The following ITGAM variants were observed in gnomAD, a reference collection of about 807,000 sequenced individuals.
ITGAM encodes the protein integrin subunit alpha M.
Under a neutral mutation model 137.5 loss-of-function variants are expected in ITGAM, and 79 were observed. That is an observed-to-expected ratio of 0.57 (90% CI 0.48 to 0.69). The LOEUF is 0.69. Among genes scored for constraint, ITGAM ranks in the 30% least tolerant of loss-of-function variants. The pLI, the probability that ITGAM is intolerant of heterozygous loss-of-function variation, is 0.00. For missense variants in ITGAM, 1,343 were observed against 1,483.5 expected, an observed-to-expected ratio of 0.91 and a Z score of 1.56; for synonymous variants, 583 against 592.3, an observed-to-expected ratio of 0.98 and a Z score of 0.23.
Position 31,329,825 on chromosome 16 carries a change from C to T in ITGAM, c.2896C>T (p.Pro966Ser). ...CAGCAACCTGGGGCAGAGGAGCCTC[C>T]CCATCAGCCTGGTGTTCTTGGTGCC... ...QVSNLGQRSL[P>S]ISLVFLVPVR... Residue 966 changes from proline (P) to serine (S), a missense_variant, in exon 25 of 30, where the codon CCC becomes TCC. Physicochemically the swap from Pro to Ser is moderately conservative, Grantham distance 74. Coordinates refer to ENST00000544665, the MANE Select transcript of ITGAM (RefSeq NM_000632.4). The T allele has an allele frequency of 1.3e-6, 2 of 1,559,724 alleles. No homozygotes were observed. The highest frequency in any genetic ancestry group is 1.7e-6 in the Non-Finnish European group (2 of 1,151,704).
At chr16:31,302,932 CT>C (rs1387260918) in intron 14 of ITGAM, among the ~76,000 whole-genome samples, 2 of 52,786 alleles carry the variant, frequency 3.8e-5, no homozygotes, top group Non-Finnish European at 8.1e-5. Flanking sequence ...TTCTTTCTTT[CT>C]TTCTTTCTTT....
intron 14 of ITGAM, among the ~76,000 whole-genome samples, chr16:31,308,116 T>G (rs2080284309): frequency 6.6e-6 from 1 of 152,156 alleles, no homozygotes; most frequent in Non-Finnish European, 1.5e-5. Context: ...TCTCTTTTTT[T>G]GTTGTGTGTC....
At chr16:31,329,634 G>T (rs2080554168) in intron 24 of ITGAM, among the ~76,000 whole-genome samples, 164 bp from the exon 25 acceptor site, 1 of 152,134 alleles carries the variant, frequency 6.6e-6, no homozygotes, top group South Asian at 2.1e-4. Flanking sequence ...CTGGAGACCA[G>T]GCCGTGTGGC....
intron 14 of ITGAM, among the ~76,000 whole-genome samples, chr16:31,309,615 G>C (rs2080301911): frequency 6.6e-6 from 1 of 152,100 alleles, no homozygotes; most frequent in African/African-American, 2.4e-5. Context: ...CAATTTGCCA[G>C]TCTGTGCCTT....
intron 5 of ITGAM, among the ~76,000 whole-genome samples, chr16:31,266,418 A>T (rs1339584475): frequency 3.4e-4 from 4 of 11,814 alleles, no homozygotes; most frequent in Non-Finnish European, 6.0e-4. Context: ...TCCTGTCTCT[A>T]AAAAAAAAAA....
At chr16:31,276,340 A>G (rs773334473) in intron 9 of ITGAM, among the ~76,000 whole-genome samples, 97 of 149,520 alleles carry the variant, frequency 6.5e-4, no homozygotes, top group Non-Finnish European at 8.8e-4. Context: ...TTTTCTTTCT[A>G]TTTTTTTTTG....
intron 12 of ITGAM, among the ~76,000 whole-genome samples, chr16:31,292,581 CA>C (rs1447195709): frequency 6.6e-6 from 1 of 152,106 alleles, no homozygotes; most frequent in African/African-American, 2.4e-5. Context: ...CATGTTCCCA[CA>C]AAAGACATGA....
At chr16:31,270,711 A>G (rs1402796945) in intron 5 of ITGAM, among the ~76,000 whole-genome samples, 1,147 of 93,456 alleles carry the variant, frequency 0.012, 82 homozygotes, top group African/African-American at 0.044. Context: ...ATATATATAT[A>G]TATATATATA....
intron 12 of ITGAM, among the ~76,000 whole-genome samples, chr16:31,292,433 G>C (rs1397046769): frequency 4.6e-5 from 7 of 151,998 alleles, no homozygotes; most frequent in African/African-American, 1.4e-4. Context: ...CCCTCAAGTA[G>C]ACCCCAGTGT....
At chr16:31,288,502 T>C (rs1237664517) in intron 12 of ITGAM, among the ~76,000 whole-genome samples, 1 of 152,102 alleles carries the variant, frequency 6.6e-6, no homozygotes, top group East Asian at 1.9e-4. Context: ...AAACAAGAAA[T>C]GGGGAAAGGA....
At chr16:31,310,019 G>A (rs1385954066) in intron 14 of ITGAM, among the ~76,000 whole-genome samples, 1 of 151,000 alleles carries the variant, frequency 6.6e-6, no homozygotes, top group Non-Finnish European at 1.5e-5. Flanking sequence ...TGCTGAGAGA[G>A]AAAGTTCGGG....
rs1229631333 is a variant in ITGAM at position 31,324,704 on chromosome 16, G to C, written c.2211G>C (p.Leu737=). The C allele has an allele frequency of 1.6e-5, 25 of 1,601,720 alleles. No individual in the cohort carries two copies. The highest frequency in any genetic ancestry group is 4.5e-5 in the East Asian group (2 of 44,794). Residue 737 remains leucine, a synonymous_variant, in exon 18 of 30, where the codon CTG becomes CTC. Coordinates refer to ENST00000544665, the MANE Select transcript of ITGAM (RefSeq NM_000632.4). This position sits in a 1 kb window ranked among gnomAD's most constrained non-coding sequence, Gnocchi z 4.5. ...TTGTGCTGCGCCTGAACTTCTCTCT[G>C]GTGGGAACGCCATTGTCTGCTTTCG... is the stretch of plus-strand genomic sequence containing the variant. ...SPIVLRLNFS[L]VGTPLSAFGN... is the part of the protein sequence containing the mutation.
chr16:31,321,226 C>T lies in ITGAM; in HGVS notation c.1708-15C>T, dbSNP rs2080445809. On this transcript the variant is annotated splice_polypyrimidine_tract_variant and intron_variant, in intron 14 of 29. Coordinates refer to ENST00000544665, the MANE Select transcript of ITGAM (RefSeq NM_000632.4). ...CCTACCCCTTTCTCTCTCCACACCT[C>T]TTTTTTACCCTCAGCGGATAGCAGG... 2 of 1,613,534 alleles carry T rather than the reference C, an allele frequency of 1.2e-6. No homozygotes were observed. The highest frequency in any genetic ancestry group is 1.7e-5 in the Admixed American group (1 of 59,976).
rs1403392122 is a variant in ITGAM, at chr16:31,265,882, G to C, written c.309+1G>C. 1 of 1,613,338 alleles carries C rather than the reference G, an allele frequency of 6.2e-7. No homozygotes were observed. Among genetic ancestry groups the C allele is most frequent in the Non-Finnish European group, 8.5e-7 (1 of 1,179,760 alleles). On this transcript the variant is annotated splice_donor_variant, in intron 4 of 29. Transcript: ENST00000544665. LOFTEE classifies it high-confidence loss of function. ...CACCACCAGCCCCCCTCAGCTGCTG[G>C]TGAGTGGGGCTCGATCAGAGGAGCA...
At chr16:31,273,765 C>T (rs1306525205) in intron 8 of ITGAM, 1 of 361,708 alleles carries the variant, frequency 2.8e-6, no homozygotes, top group African/African-American at 2.1e-5. Context: ...AATGGCCTTC[C>T]TCACTGTCAT....
intron 28 of ITGAM, 122 bp downstream of exon 28, chr16:31,330,727 CAGAG>C: frequency 1.5e-6 from 1 of 671,526 alleles, no homozygotes. Context: ...GACAGAGAGA[CAGAG>C]AGATACAGAG....
At chr16:31,319,442 T>G (rs572275638) in intron 14 of ITGAM, among the ~76,000 whole-genome samples, 1 of 152,322 alleles carries the variant, frequency 6.6e-6, no homozygotes, top group Non-Finnish European at 1.5e-5. Context: ...ATTATTTGTT[T>G]TTTGACTTAA....
In ITGAM at chr16:31,330,320, G is replaced by T. The variant is rs1237741528; in HGVS notation, c.3073G>T (p.Ala1025Ser). 8 of 1,613,642 alleles carry T rather than the reference G, an allele frequency of 5.0e-6. No homozygotes were observed. The East Asian group carries it at 1.3e-4, about 27-fold the overall frequency. ...RKAPVVNCSI[A>S]VCQRIQCDIP... ...CTGCGTTCCCCAGAACTGCTCCATC[G>T]CTGTCTGCCAGAGAATCCAGTGTGA... The change falls in exon 27 of 30, where the codon GCT becomes TCT. Residue 1025 changes from alanine to serine, a missense_variant. Physicochemically the swap from Ala to Ser is moderately conservative, Grantham distance 99. Transcript: ENST00000544665.
chr16:31,297,145 T>G (rs999596573), intron 12 of ITGAM, among the ~76,000 whole-genome samples: 1 of 152,092 alleles, frequency 6.6e-6, no homozygotes, highest in African/African-American at 2.4e-5. Context: ...ATAGGCTTAT[T>G]TTTTATCTTT....
Sources: allele counts gnomAD v4.1 joint callset (sites outside exome capture counted in the v4.1 genomes callset), GRCh38; gene constraint gnomAD v4.1.1; non-coding constraint Gnocchi (gnomAD v3.1); transcripts MANE v1.5; gene names NCBI Gene and HGNC (gene_info 2026-07-23, HGNC 2026-07-21).